Variants in SPEF2 observed in about 807,000 individuals in gnomAD.
SPEF2 encodes the protein sperm flagellar and cilia associated 2, also known as sperm flagella and cilia-associated protein 2.
Under a neutral mutation model 224.6 loss-of-function variants are expected in SPEF2, and 187 were observed. The observed-to-expected ratio is 0.83, with a 90% confidence interval of 0.74 to 0.94. The LOEUF is 0.94. Among genes scored for constraint, SPEF2 ranks in the 40% least tolerant of loss-of-function variants. SPEF2 has a pLI of 0.00. For synonymous variants in SPEF2, 715 were observed against 707.3 expected, an observed-to-expected ratio of 1.01 and a Z score of -0.17; for missense variants, 2,170 against 2,135.6, an observed-to-expected ratio of 1.02 and a Z score of -0.32.
chr5:35,801,464 G>A (rs181490647), intron 34 of SPEF2, among the ~76,000 whole-genome samples: 12 of 151,680 alleles, frequency 7.9e-5, no homozygotes, highest in African/African-American at 2.9e-4. Context: ...AGTGAGCCAA[G>A]ATCGCACCAC....
chr5:35,664,662 C>G (rs968686686), intron 8 of SPEF2, among the ~76,000 whole-genome samples: 1 of 147,226 alleles, frequency 6.8e-6, no homozygotes, highest in Admixed American at 6.9e-5. Flanking sequence ...CTCTGGATGA[C>G]AGCAAGACTC....
At position 35,649,367 on chromosome 5, in the gene SPEF2, G is replaced by A; in HGVS notation, c.733G>A (p.Ala245Thr). The change falls in exon 6 of 37, where the codon GCT becomes ACT. Residue 245 changes from alanine to threonine, a missense_variant. By Grantham distance (58) the Ala-to-Thr change is moderately conservative. Coordinates refer to ENST00000356031, the MANE Select transcript of SPEF2 (RefSeq NM_024867.4). ...TGATGAATTTTCTTTAAAGGATGTG[G>A]CTGATGAAATTAAGAAGTTCGAAGC... is the stretch of plus-strand genomic sequence containing the variant. ...MKKKKEAEDVADEIKKFEALI... is the reference protein window; with the variant it reads ...MKKKKEAEDVTDEIKKFEALI... 1 of 1,611,378 alleles carries A rather than the reference G, an allele frequency of 6.2e-7. No homozygotes were observed. The highest frequency in any genetic ancestry group is 8.5e-7 in the Non-Finnish European group (1 of 1,178,946).
chr5:35,691,829 C>T (rs1028437750), intron 11 of SPEF2, among the ~76,000 whole-genome samples: 2 of 151,980 alleles, frequency 1.3e-5, no homozygotes, highest in Non-Finnish European at 2.9e-5. Context: ...GACAGAGTCT[C>T]GCTCTGTTGG....
chr5:35,692,187 G>A (rs1754609341), intron 11 of SPEF2, among the ~76,000 whole-genome samples: 1 of 151,956 alleles, frequency 6.6e-6, no homozygotes, highest in South Asian at 2.1e-4. Flanking sequence ...GAGACGGGTG[G>A]ATCACCTGAG....
intron 6 of SPEF2, among the ~76,000 whole-genome samples, chr5:35,653,484 A>C (rs1748485189): frequency 6.6e-6 from 1 of 152,212 alleles, no homozygotes; most frequent in Non-Finnish European, 1.5e-5. Context: ...GAAGTATTCT[A>C]GTGACCTGGC....
Position 35,763,991 on chromosome 5 carries a change from C to T in SPEF2, c.3801+289C>T, listed in dbSNP as rs140508123. The stretch of plus-strand genomic sequence containing the variant: ...TTAATGAGGTGGGTCAAGTGTAAGA[C>T]AATCAGGAGGGATGGGTCTGGGGCC... On this transcript the variant is annotated intron_variant, in intron 26 of 36. Coordinates refer to ENST00000356031, the MANE Select transcript of SPEF2 (RefSeq NM_024867.4). Among the ~76,000 whole-genome samples the T allele has an allele frequency of 2.4e-3, 372 of 152,202 alleles. 3 individuals carry two copies. Among genetic ancestry groups the T allele is most frequent in the African/African-American group, 8.7e-3 (361 of 41,540 alleles).
At chr5:35,780,827 A>T (rs984430545) in intron 30 of SPEF2, among the ~76,000 whole-genome samples, 18 of 152,204 alleles carry the variant, frequency 1.2e-4, no homozygotes, top group Admixed American at 1.0e-3. Context: ...GCATCTGGGG[A>T]CACTTGAATA....
chr5:35,778,465 A>C (rs1300606426), intron 29 of SPEF2, among the ~76,000 whole-genome samples: 1 of 151,982 alleles, frequency 6.6e-6, no homozygotes, highest in Non-Finnish European at 1.5e-5. Flanking sequence ...AGATTCCAGC[A>C]CTCTTTCTAC....
At chr5:35,790,345 C>A in intron 30 of SPEF2, 1 of 540,098 alleles carries the variant, frequency 1.9e-6, no homozygotes, top group South Asian at 2.8e-5. Flanking sequence ...GATTGCTCAT[C>A]AAACTCAGAA....
At chr5:35,789,315 T>A (rs1284869515) in intron 30 of SPEF2, 1 of 703,478 alleles carries the variant, frequency 1.4e-6, no homozygotes. Flanking sequence ...AATTCCTCAA[T>A]TGCTGACATA....
In SPEF2 at chr5:35,630,691, G is replaced by A. The variant is rs1018530443; in HGVS notation, c.161+2129G>A. Among the ~76,000 whole-genome samples, 9 of 151,218 alleles carry A rather than the reference G, an allele frequency of 6.0e-5. No individual in the cohort carries two copies. In the East Asian group the frequency reaches 1.4e-3, roughly 23 times the overall value. On this transcript the variant is annotated intron_variant, in intron 2 of 36. Coordinates refer to ENST00000356031, the MANE Select transcript of SPEF2 (RefSeq NM_024867.4). ...AGCCTGGGCAGCAGAGCGAGACTCCGTCTCAAAAAAAGAAAAAAAAAGAAA... is the reference window on the plus strand; with the variant it reads ...AGCCTGGGCAGCAGAGCGAGACTCCATCTCAAAAAAAGAAAAAAAAAGAAA...
intron 10 of SPEF2, chr5:35,670,821 A>G (rs1055984102): frequency 1.0e-6 from 1 of 979,264 alleles, no homozygotes; most frequent in Non-Finnish European, 1.2e-6. Flanking sequence ...TGACCAGTTC[A>G]TTAAGGGCTA....
chr5:35,739,893 A>T (rs1354150218), intron 21 of SPEF2, 26 bp from the exon 22 acceptor site: 2 of 1,607,378 alleles, frequency 1.2e-6, no homozygotes, highest in Non-Finnish European at 1.7e-6. Flanking sequence ...TTGAAGTAAC[A>T]GTTTCTACAC....
chr5:35,672,854 G>C (rs968173234), intron 10 of SPEF2, among the ~76,000 whole-genome samples: 8 of 152,086 alleles, frequency 5.3e-5, no homozygotes, highest in African/African-American at 1.9e-4. Context: ...TTAGAAGCCC[G>C]TGTTCTGTTC....
chr5:35,740,596 T>G (rs1264525238), intron 23 of SPEF2, among the ~76,000 whole-genome samples: 1 of 152,146 alleles, frequency 6.6e-6, no homozygotes, highest in Admixed American at 6.5e-5. Context: ...CATTCCTTTC[T>G]TGAGCACAGT....
chr5:35,761,753 G>A (rs896932085), intron 25 of SPEF2, among the ~76,000 whole-genome samples: 7 of 152,132 alleles, frequency 4.6e-5, no homozygotes, highest in East Asian at 1.9e-4. Context: ...TTTCAATGTC[G>A]AGAGTGGCAG....
intron 23 of SPEF2, among the ~76,000 whole-genome samples, chr5:35,751,445 C>T (rs1749640548): frequency 6.6e-6 from 1 of 151,108 alleles, no homozygotes; most frequent in Non-Finnish European, 1.5e-5. Flanking sequence ...AAATACCACC[C>T]GTACCCCAAT....
chr5:35,728,484 CCTT>C (rs1745061908), intron 21 of SPEF2, among the ~76,000 whole-genome samples: 1 of 152,184 alleles, frequency 6.6e-6, no homozygotes, highest in Non-Finnish European at 1.5e-5. Flanking sequence ...GACAAGGTCT[CCTT>C]CTCCCTCATT....
intron 2 of SPEF2, among the ~76,000 whole-genome samples, chr5:35,629,004 A>G (rs944692935): frequency 6.6e-6 from 1 of 152,096 alleles, no homozygotes; most frequent in Admixed American, 6.5e-5. Flanking sequence ...CAGACCATTG[A>G]TATGGAAATT....
Sources: allele counts gnomAD v4.1 joint callset (sites outside exome capture counted in the v4.1 genomes callset), GRCh38; gene constraint gnomAD v4.1.1; transcripts MANE v1.5; gene names NCBI Gene and HGNC (gene_info 2026-07-23, HGNC 2026-07-21).